The following SEMA3E variants were observed in gnomAD, a reference collection of about 807,000 sequenced individuals.
SEMA3E encodes the protein semaphorin-3E.
In SEMA3E, 49 loss-of-function variants were observed where a neutral mutation model predicts 93.6. That is an observed-to-expected ratio of 0.52 (90% CI 0.42 to 0.66). SEMA3E has a LOEUF of 0.66. Among genes scored for constraint, SEMA3E ranks in the 30% least tolerant of loss-of-function variants. The pLI is 0.00. For synonymous variants in SEMA3E, 363 were observed against 330.7 expected (o/e 1.10, Z -1.06); for missense variants, 906 against 964.8 (o/e 0.94, Z 0.81).
chr7:83,411,735 T>C (rs2709961), intron 5 of SEMA3E, among the ~76,000 whole-genome samples: 76,994 of 151,954 alleles, frequency 0.51, 22,381 homozygotes, highest in East Asian at 0.85. Flanking sequence ...AATCAATACA[T>C]TGATCTTTTA....
chr7:83,462,174 T>C (rs573485831), intron 4 of SEMA3E: 1 of 152,310 alleles, frequency 6.6e-6, no homozygotes, highest in South Asian at 2.1e-4. Flanking sequence ...TAGACCATTA[T>C]GGACGCCAAG....
At position 83,418,416 on chromosome 7, in the gene SEMA3E, C is replaced by T. The variant is rs760892556; in HGVS notation, c.524G>A (p.Ser175Asn). 1 of 1,611,788 alleles carries T rather than the reference C, an allele frequency of 6.2e-7. No homozygotes were observed. Residue 175 changes from serine to asparagine, a missense_variant, in exon 5 of 17, where the codon AGC (serine) becomes AAC (asparagine). Transcript: ENST00000643230. ...RGRGRCPFDP[S>N]SSFISTLIGS... is the part of the protein sequence containing the mutation. ...AATTAAAGTGGAGATGAAGGAGGAG[C>T]TGGGGTCAAAAGGACATCTGCCCCT... is the stretch of plus-strand genomic sequence containing the variant.
chr7:83,401,484 T>TA (rs1788231964), intron 10 of SEMA3E, among the ~76,000 whole-genome samples: 1 of 152,086 alleles, frequency 6.6e-6, no homozygotes, highest in Non-Finnish European at 1.5e-5. Context: ...AGCAGTTCCA[T>TA]AACCAGTCGC....
intron 1 of SEMA3E, among the ~76,000 whole-genome samples, chr7:83,566,245 A>G (rs1336312849): frequency 2.0e-5 from 3 of 148,906 alleles, no homozygotes; most frequent in African/African-American, 7.5e-5. Context: ...TGACCTTGTG[A>G]TCTGCCTGCT....
intron 1 of SEMA3E, among the ~76,000 whole-genome samples, chr7:83,535,595 A>G (rs1791395877): frequency 6.6e-6 from 1 of 152,138 alleles, no homozygotes; most frequent in Non-Finnish European, 1.5e-5. Flanking sequence ...AATCATTACT[A>G]AAGTCATTAT....
chr7:83,448,678 T>C (rs923116714), intron 4 of SEMA3E, among the ~76,000 whole-genome samples: 13 of 152,178 alleles, frequency 8.5e-5, no homozygotes, highest in African/African-American at 2.2e-4. Context: ...TTAAAGAAAA[T>C]TTGAAAACCG....
intron 4 of SEMA3E, among the ~76,000 whole-genome samples, chr7:83,440,163 C>T (rs1418686883): frequency 6.6e-6 from 1 of 152,100 alleles, no homozygotes; most frequent in Non-Finnish European, 1.5e-5. Context: ...CAAAGAACAG[C>T]AGAGGGTAGA....
chr7:83,601,357 A>T (rs1792992998), intron 1 of SEMA3E, among the ~76,000 whole-genome samples: 1 of 152,086 alleles, frequency 6.6e-6, no homozygotes, highest in African/African-American at 2.4e-5. Flanking sequence ...AATGAAAACC[A>T]CTCAGACAAA....
At chr7:83,589,797 A>G (rs1428305617) in intron 1 of SEMA3E, among the ~76,000 whole-genome samples, 1 of 152,150 alleles carries the variant, frequency 6.6e-6, no homozygotes, top group Admixed American at 6.6e-5. Flanking sequence ...CAATAGCCAC[A>G]TGTGGCTAGT....
At chr7:83,544,128 T>C (rs1381312976) in intron 1 of SEMA3E, among the ~76,000 whole-genome samples, 2 of 152,096 alleles carry the variant, frequency 1.3e-5, no homozygotes, top group Non-Finnish European at 2.9e-5. Context: ...AATAGGCACC[T>C]GTATCATTGC....
chr7:83,431,784 G>T (rs1788888776), intron 4 of SEMA3E, among the ~76,000 whole-genome samples: 1 of 152,084 alleles, frequency 6.6e-6, no homozygotes, highest in Non-Finnish European at 1.5e-5. Flanking sequence ...CTATAATAAA[G>T]ACCATATAGG....
chr7:83,485,266 T>C (rs1238625283), intron 2 of SEMA3E, among the ~76,000 whole-genome samples: 5 of 152,220 alleles, frequency 3.3e-5, no homozygotes, highest in African/African-American at 4.8e-5. Flanking sequence ...AATAATAGCT[T>C]ATACATACTG....
At chr7:83,405,607 C>T (rs1259812341) in intron 8 of SEMA3E, 88 bp from the exon 9 acceptor site, 46 of 1,078,320 alleles carry the variant, frequency 4.3e-5, no homozygotes, top group Non-Finnish European at 6.3e-5. Flanking sequence ...TTGTTTAGAA[C>T]TCATTATAGA....
chr7:83,498,073 A>G (rs1338539913), intron 1 of SEMA3E, among the ~76,000 whole-genome samples: 2 of 130,004 alleles, frequency 1.5e-5, no homozygotes, highest in Non-Finnish European at 3.6e-5. Context: ...AATAGTAAAT[A>G]TATTTTCTCT....
At position 83,482,394 on chromosome 7, in the gene SEMA3E, G is replaced by A. The variant is rs914365436; in HGVS notation, c.276+7720C>T. ...ATCCCAGCTAACAGGGTGAAATCCC[G>A]TCTCTACTAAAAATACAAAAAATTA... On this transcript the variant is annotated intron_variant, in intron 2 of 16. Coordinates refer to ENST00000643230, the MANE Select transcript of SEMA3E (RefSeq NM_012431.3). 2.0e-5 allele frequency among the ~76,000 whole-genome samples: 3 copies of A among 151,510 alleles called. No homozygotes were observed. The South Asian group carries it at 6.3e-4, about 32-fold the overall frequency.
chr7:83,463,274 CCTTA>C (rs1439751535), intron 4 of SEMA3E, among the ~76,000 whole-genome samples: 1 of 151,902 alleles, frequency 6.6e-6, no homozygotes, highest in African/African-American at 2.4e-5. Context: ...AACAACTTGA[CCTTA>C]CTGTTTTAGC....
chr7:83,392,071 G>A (rs1254245099), intron 14 of SEMA3E, among the ~76,000 whole-genome samples: 1 of 152,118 alleles, frequency 6.6e-6, no homozygotes, highest in Non-Finnish European at 1.5e-5. Context: ...TGACCTCACA[G>A]AATTGTAGGC....
At chr7:83,374,929 G>GA (rs1171951479) in intron 16 of SEMA3E, among the ~76,000 whole-genome samples, 2 of 150,686 alleles carry the variant, frequency 1.3e-5, no homozygotes, top group Non-Finnish European at 1.5e-5. Context: ...CATCTGAAGT[G>GA]AAAAAAAACA....
chr7:83,596,369 T>C (rs765057656), intron 1 of SEMA3E, among the ~76,000 whole-genome samples: 1 of 152,050 alleles, frequency 6.6e-6, no homozygotes, highest in Non-Finnish European at 1.5e-5. Context: ...TGGCTTCTTT[T>C]AACGGAGAAC....
Sources: allele counts gnomAD v4.1 joint callset (sites outside exome capture counted in the v4.1 genomes callset), GRCh38; gene constraint gnomAD v4.1.1; transcripts MANE v1.5; gene names NCBI Gene and HGNC (gene_info 2026-07-23, HGNC 2026-07-21).